The following ELAVL2 variants were observed in gnomAD, a reference collection of about 807,000 sequenced individuals.
ELAVL2 encodes the protein ELAV like RNA binding protein 2.
In ELAVL2, 4 loss-of-function variants were observed where a neutral mutation model predicts 34.6. That is an observed-to-expected ratio of 0.12 (90% CI 0.06 to 0.26). The LOEUF (loss-of-function observed/expected upper bound fraction) is 0.26. Ranked by LOEUF, ELAVL2 falls within the 10% of genes least tolerant of loss-of-function variation. The pLI, the probability that ELAVL2 is intolerant of heterozygous loss-of-function variation, is 1.00. For synonymous variants in ELAVL2, 193 were observed against 154.8 expected, an observed-to-expected ratio of 1.25 and a Z score of -1.83; for missense variants, 432 against 442.8, an observed-to-expected ratio of 0.98 and a Z score of 0.22.
chr9:23,801,311 T>G lies in ELAVL2; in HGVS notation c.-16+24495A>C, dbSNP rs561431504. Among the ~76,000 whole-genome samples the G allele has an allele frequency of 7.2e-5, 11 of 152,320 alleles. No homozygotes were observed. The South Asian group carries it at 2.3e-3, about 32-fold the overall frequency. Reference sequence around the variant, plus strand: ...TTCTTTTAAACTCAAAGAAATTTTCTCAGGTAGAAGATTTTTTAAAGCTAC... The same window carrying G: ...TTCTTTTAAACTCAAAGAAATTTTCGCAGGTAGAAGATTTTTTAAAGCTAC... On this transcript the variant is annotated intron_variant, in intron 1 of 6. Transcript: ENST00000397312.
rs1022590871 is a variant in ELAVL2, at chr9:23,690,638, AAAT to A, written c.*1916_*1918del. The stretch of plus-strand genomic sequence containing the variant: ...TGAAAAATTTTATAACTACAATTTT[AAAT>A]AATAAAAAATAAAACTCAAAGCAAC... On this transcript the variant is annotated 3_prime_UTR_variant, in exon 7 of 7. Transcript: ENST00000397312. The A allele has an allele frequency of 1.3e-4, 20 of 152,654 alleles. No individual in the cohort carries two copies. The highest frequency in any genetic ancestry group is 2.9e-4 in the African/African-American group (12 of 41,556). 9.5% of individuals were successfully genotyped at this position (152,654 alleles called of 1,614,324 possible).
At chr9:23,716,084 A>T (rs1393243065) in intron 3 of ELAVL2, among the ~76,000 whole-genome samples, 1 of 145,902 alleles carries the variant, frequency 6.9e-6, no homozygotes, top group Non-Finnish European at 1.5e-5. Flanking sequence ...TTTTCACCAC[A>T]TGTTCTCACT....
At chr9:23,736,831 T>C (rs1184270624) in intron 2 of ELAVL2, among the ~76,000 whole-genome samples, 1 of 152,146 alleles carries the variant, frequency 6.6e-6, no homozygotes, top group Admixed American at 6.5e-5. Flanking sequence ...CTAACCATAC[T>C]CTGGTTTCCA....
At chr9:23,729,313 G>A (rs2045983285) in intron 3 of ELAVL2, among the ~76,000 whole-genome samples, 1 of 152,090 alleles carries the variant, frequency 6.6e-6, no homozygotes, top group Non-Finnish European at 1.5e-5. Context: ...TCAGAACTAG[G>A]ACAAATTAGC....
At chr9:23,802,026 G>GT (rs1353514880) in intron 1 of ELAVL2, among the ~76,000 whole-genome samples, 6 of 152,096 alleles carry the variant, frequency 3.9e-5, no homozygotes, top group East Asian at 1.9e-4. Flanking sequence ...GTTTCGTTTT[G>GT]TTTTTTTAAG....
intron 3 of ELAVL2, among the ~76,000 whole-genome samples, chr9:23,715,400 G>A (rs948653761): frequency 6.6e-6 from 1 of 151,864 alleles, no homozygotes; most frequent in East Asian, 1.9e-4. Flanking sequence ...CGCCCGTCTC[G>A]GCCTCCCAAA....
intron 2 of ELAVL2, among the ~76,000 whole-genome samples, chr9:23,746,913 T>C (rs1270481531): frequency 4.6e-5 from 7 of 151,934 alleles, no homozygotes; most frequent in Non-Finnish European, 8.8e-5. Flanking sequence ...AAATCATTAG[T>C]GGACCAGACT....
At chr9:23,692,925 A>G in intron 6 of ELAVL2, 41 bp from the exon 7 acceptor site, 9 of 1,574,742 alleles carry the variant, frequency 5.7e-6, no homozygotes, top group Non-Finnish European at 7.8e-6. Flanking sequence ...CACACAAAAA[A>G]TAAAAACAGA....
intron 3 of ELAVL2, among the ~76,000 whole-genome samples, chr9:23,712,988 T>C (rs1399305096): frequency 6.6e-6 from 1 of 152,214 alleles, no homozygotes; most frequent in Non-Finnish European, 1.5e-5. Flanking sequence ...TCACACATCT[T>C]AAACAGCCTC....
chr9:23,718,792 T>G (rs2042944175), intron 3 of ELAVL2, among the ~76,000 whole-genome samples: 1 of 152,178 alleles, frequency 6.6e-6, no homozygotes, highest in African/African-American at 2.4e-5. Flanking sequence ...CACAACATGA[T>G]TAGACATTAG....
intron 1 of ELAVL2, among the ~76,000 whole-genome samples, chr9:23,796,772 T>C (rs532116225): frequency 1.3e-5 from 2 of 152,238 alleles, no homozygotes; most frequent in East Asian, 3.9e-4. Flanking sequence ...ATCCCAAATA[T>C]GTAAAAGATA....
rs1331445242 is a variant in ELAVL2, at chr9:23,691,220, A to T, written c.*1337T>A. 1 of 152,560 alleles carries T rather than the reference A, an allele frequency of 6.6e-6. No individual in the cohort carries two copies. The highest frequency in any genetic ancestry group is 1.5e-5 in the Non-Finnish European group (1 of 68,006). 9.5% of individuals were successfully genotyped at this position (152,560 alleles called of 1,614,324 possible). A position where few individuals can be genotyped will look rare whatever the true frequency, so the allele number is the denominator to read the frequency against. On this transcript the variant is annotated 3_prime_UTR_variant, in exon 7 of 7. Coordinates refer to ENST00000397312, the MANE Select transcript of ELAVL2 (RefSeq NM_004432.5). ...TACAAAGGAAAAAACTGATACAAAA[A>T]CATTCAAAACCTGAACATCACTTGG...
chr9:23,711,473 G>T (rs1347737877), intron 3 of ELAVL2, among the ~76,000 whole-genome samples: 2 of 152,098 alleles, frequency 1.3e-5, no homozygotes, highest in African/African-American at 4.8e-5. Context: ...TCAGAGCACT[G>T]GCTACCTCTT....
intron 2 of ELAVL2, among the ~76,000 whole-genome samples, chr9:23,753,732 C>T (rs2052755404): frequency 6.6e-6 from 1 of 152,104 alleles, no homozygotes; most frequent in Admixed American, 6.6e-5. Context: ...AATGGTGTCT[C>T]TTCTATACCA....
intron 1 of ELAVL2, among the ~76,000 whole-genome samples, chr9:23,799,107 T>G (rs2061299505): frequency 6.6e-6 from 1 of 152,158 alleles, no homozygotes. Flanking sequence ...AAGACAGACA[T>G]AATATGACTA....
intron 2 of ELAVL2, among the ~76,000 whole-genome samples, chr9:23,748,912 G>T (rs762471019): frequency 6.6e-6 from 1 of 152,024 alleles, no homozygotes; most frequent in Admixed American, 6.6e-5. Flanking sequence ...CATTTATATG[G>T]GGTACCGAGA....
intron 2 of ELAVL2, among the ~76,000 whole-genome samples, chr9:23,751,218 G>A (rs1489460324): frequency 6.6e-6 from 1 of 152,038 alleles, no homozygotes; most frequent in East Asian, 1.9e-4. Flanking sequence ...ACAAAACAGA[G>A]TTCCAACAAA....
the ELAVL2 span, among the ~76,000 whole-genome samples, chr9:23,839,009 T>C: frequency 2.0e-5 from 3 of 152,184 alleles, no homozygotes; most frequent in Admixed American, 6.6e-5. Context: ...CTGTGACTGA[T>C]GGCAGTCTCT....
chr9:23,729,286 A>C lies in ELAVL2; in HGVS notation c.333+1736T>G, dbSNP rs2045975970. Among the ~76,000 whole-genome samples the C allele has an allele frequency of 3.3e-5, 5 of 152,188 alleles. No homozygotes were observed. The South Asian group carries it at 1.0e-3, about 31-fold the overall frequency. On this transcript the variant is annotated intron_variant, in intron 3 of 6. Transcript: ENST00000397312. Reference sequence around the variant, plus strand: ...TGACCACCTATTCCATTTTCTTCCCAACTACAACTCAGGACCTCAGAACTA... The same window carrying C: ...TGACCACCTATTCCATTTTCTTCCCCACTACAACTCAGGACCTCAGAACTA...
Sources: allele counts gnomAD v4.1 joint callset (sites outside exome capture counted in the v4.1 genomes callset), GRCh38; gene constraint gnomAD v4.1.1; transcripts MANE v1.5; gene names NCBI Gene and HGNC (gene_info 2026-07-23, HGNC 2026-07-21).